SART1: variants seen among roughly 807,000 people sequenced by gnomAD.
The protein encoded by SART1 is spliceosome associated factor 1, recruiter of U4/U6.U5 tri-snRNP.
Under a neutral mutation model 105.0 loss-of-function variants are expected in SART1, and 28 were observed. The ratio of observed to expected loss-of-function variants is 0.27; its 90% CI spans 0.20 to 0.37. The LOEUF (loss-of-function observed/expected upper bound fraction) is 0.37. Among genes scored for constraint, SART1 ranks in the 10% least tolerant of loss-of-function variants. The pLI is 1.00. For synonymous variants in SART1, 472 were observed against 462.9 expected (o/e 1.02, Z -0.25); for missense variants, 894 against 1,106.5 (o/e 0.81, Z 2.72).
In SART1 at chr11:65,978,825, C is replaced by G. The variant is rs2134925292; in HGVS notation, c.2295C>G (p.Pro765=). The G allele has an allele frequency of 6.2e-7, 1 of 1,614,068 alleles. No homozygotes were observed. Among genetic ancestry groups the G allele is most frequent in the East Asian group, 2.2e-5 (1 of 44,866 alleles). The change falls in exon 19 of 20, where the codon CCC becomes CCG. Residue 765 remains proline (P), a synonymous_variant. Transcript: ENST00000312397. This position sits in a 1 kb window ranked among gnomAD's most constrained non-coding sequence, Gnocchi z 6.8. ...LLKKMSSSDT[P]LGTVALLQEK... is the part of the protein sequence containing the mutation. ...AGAAGATGAGCTCCAGCGACACGCC[C>G]CTGGGCACCGTGGCCCTGCTCCAGG...
chr11:65,969,926 G>C (rs959022087), intron 12 of SART1, among the ~76,000 whole-genome samples: 11 of 152,076 alleles, frequency 7.2e-5, no homozygotes, highest in African/African-American at 2.4e-4. Flanking sequence ...GTTTCACCGT[G>C]TTGGTCAGGC....
chr11:65,976,766 T>C lies in SART1; in HGVS notation c.1857T>C (p.Asp619=), dbSNP rs1276936003. The C allele has an allele frequency of 6.2e-7, 1 of 1,606,118 alleles. No homozygotes were observed. Among genetic ancestry groups the C allele is most frequent in the African/African-American group, 1.3e-5 (1 of 74,784 alleles). ...TGGACGAGGAGAAGCAGCAGCAGGATGTGAGGGCCGCGCCGCTGGGGGGTG... is the reference window on the plus strand; with the variant it reads ...TGGACGAGGAGAAGCAGCAGCAGGACGTGAGGGCCGCGCCGCTGGGGGGTG... The part of the protein sequence containing the change: ...VNLDEEKQQQ[D]FSASSTTILD... Residue 619 remains aspartate, a splice_region_variant and synonymous_variant, in exon 14 of 20, where the codon GAT becomes GAC. Transcript: ENST00000312397. This position sits in a 1 kb window ranked among gnomAD's most constrained non-coding sequence, Gnocchi z 5.1.
At position 65,977,033 on chromosome 11, in the gene SART1, C is replaced by T. The variant is rs1315541924; in HGVS notation, c.1877C>T (p.Thr626Ile). ...CCGTAGTTCTCTGCTTCCTCCACCA[C>T]CATCCTGGACGAGGAACCGATCGTG... The part of the protein sequence containing the change: ...QQQDFSASST[T>I]ILDEEPIVNR... The change falls in exon 15 of 20, where the codon ACC (threonine) becomes ATC (isoleucine). Residue 626 changes from threonine to isoleucine, a missense_variant. Thr to Ile is a moderately conservative substitution (Grantham distance 89). Coordinates refer to ENST00000312397, the MANE Select transcript of SART1 (RefSeq NM_005146.5). 6.2e-7 allele frequency: 1 copy of T among 1,613,974 alleles called. No individual in the cohort carries two copies.
rs1346991161 is a variant in SART1, at chr11:65,966,596, C to T, written c.1188+40C>T. 6 of 1,451,188 alleles carry T rather than the reference C, an allele frequency of 4.1e-6. No homozygotes were observed. In the South Asian group the frequency reaches 5.8e-5, roughly 14 times the overall value. 89.9% of individuals were successfully genotyped at this position (1,451,188 alleles called of 1,614,324 possible). On this transcript the variant is annotated intron_variant, in intron 9 of 19. Coordinates refer to ENST00000312397, the MANE Select transcript of SART1 (RefSeq NM_005146.5). ...GCCTTATACTCGGGGTCAAGATTCT[C>T]CCTCCCTCTGGGGCTCCTGCCCTGC...
chr11:65,965,382 G>A lies in SART1; in HGVS notation c.595G>A (p.Asp199Asn), dbSNP rs369274842. The A allele has an allele frequency of 2.8e-4, 447 of 1,585,290 alleles. No individual in the cohort carries two copies. Among genetic ancestry groups the A allele is most frequent in the Non-Finnish European group, 3.7e-4 (431 of 1,165,880 alleles). Reference sequence around the variant, plus strand: ...AGGAGAGGATGACCCCTGGCTGGACGACACTGCAGCCTGGATCGAGAGGAG... The same window carrying A: ...AGGAGAGGATGACCCCTGGCTGGACAACACTGCAGCCTGGATCGAGAGGAG... ...TLGEDDPWLD[D>N]TAAWIERSRQ... The change falls in exon 5 of 20, where the codon GAC (aspartate) becomes AAC (asparagine). Residue 199 changes from aspartate to asparagine, a missense_variant. By Grantham distance (23) the Asp-to-Asn change is conservative. This residue lies in a region of SART1 where 712 missense variants were observed against 778.2 expected (regional missense o/e 0.91). Coordinates refer to ENST00000312397, the MANE Select transcript of SART1 (RefSeq NM_005146.5).
At chr11:65,975,172 C>T (rs1218461499) in intron 12 of SART1, among the ~76,000 whole-genome samples, 12 of 147,010 alleles carry the variant, frequency 8.2e-5, no homozygotes, top group Admixed American at 6.1e-4. Context: ...GGCAAGATCA[C>T]GGCTCACCAT....
At chr11:65,977,952 C>T in intron 17 of SART1, 53 bp downstream of exon 17, 1 of 1,581,168 alleles carries the variant, frequency 6.3e-7, no homozygotes. Context: ...GGAGGCCAAG[C>T]CCAGGGCCAT....
chr11:65,962,419 C>T (rs796231641), intron 1 of SART1, among the ~76,000 whole-genome samples: 39 of 152,324 alleles, frequency 2.6e-4, no homozygotes, highest in African/African-American at 8.9e-4. Flanking sequence ...CTGTTTTCCT[C>T]AGTTGTCTGG....
rs748034473 is a variant in SART1, at chr11:65,977,548, C to T, written c.1946-15C>T. 8.7e-6 allele frequency: 14 copies of T among 1,612,016 alleles called. No homozygotes were observed. Among genetic ancestry groups the T allele is most frequent in the East Asian group, 2.2e-5 (1 of 44,828 alleles). ...TCTCGAGGGGTTGGGAGTCTCACAA[C>T]CCCTCCATCCCTAGGGCTGCTGGAG... On this transcript the variant is annotated splice_polypyrimidine_tract_variant and intron_variant, in intron 15 of 19. Coordinates refer to ENST00000312397, the MANE Select transcript of SART1 (RefSeq NM_005146.5).
At chr11:65,973,314 TACAA>T (rs540067099) in intron 12 of SART1, among the ~76,000 whole-genome samples, 18 of 151,560 alleles carry the variant, frequency 1.2e-4, no homozygotes, top group African/African-American at 4.4e-4. Context: ...GTCAAGAGTA[TACAA>T]ACAGACAAAA....
Position 65,976,839 on chromosome 11 carries a change from C to A in SART1, c.1857+73C>A. Reference sequence around the variant, plus strand: ...GGAGATGAGCACCGGGCTCGGTGTCCAGAGCCTCAGCCTCCTCATCCAGAG... The same window carrying A: ...GGAGATGAGCACCGGGCTCGGTGTCAAGAGCCTCAGCCTCCTCATCCAGAG... On this transcript the variant is annotated intron_variant, in intron 14 of 19. Transcript: ENST00000312397. This position sits in a 1 kb window ranked among gnomAD's most constrained non-coding sequence, Gnocchi z 5.1. 1.5e-6 allele frequency: 2 copies of A among 1,329,360 alleles called. No homozygotes were observed. The highest frequency in any genetic ancestry group is 2.1e-6 in the Non-Finnish European group (2 of 952,288). 82.3% of individuals were successfully genotyped at this position (1,329,360 alleles called of 1,614,324 possible). A position where few individuals can be genotyped will look rare whatever the true frequency, so the allele number is the denominator to read the frequency against.
chr11:65,963,722 C>T (rs1217384096), intron 1 of SART1, among the ~76,000 whole-genome samples: 1 of 152,172 alleles, frequency 6.6e-6, no homozygotes, highest in Non-Finnish European at 1.5e-5. Flanking sequence ...CCTCGTGATC[C>T]ATCTGCCTCG....
chr11:65,978,966 G>A lies in SART1; in HGVS notation c.2385-46G>A, dbSNP rs1855537673. The A allele has an allele frequency of 6.2e-7, 1 of 1,613,308 alleles. No individual in the cohort carries two copies. The highest frequency in any genetic ancestry group is 8.5e-7 in the Non-Finnish European group (1 of 1,179,806). ...GGGTGTGGTGGGGAGGGGTGGCGTG[G>A]CCTGTGCCCGCCTCTGCAGCCTCAC... On this transcript the variant is annotated intron_variant, in intron 19 of 19. Coordinates refer to ENST00000312397, the MANE Select transcript of SART1 (RefSeq NM_005146.5). This position sits in a 1 kb window ranked among gnomAD's most constrained non-coding sequence, Gnocchi z 6.8.
Position 65,967,371 on chromosome 11 carries a change from A to T in SART1, c.1301A>T (p.Asp434Val). 1 of 1,614,022 alleles carries T rather than the reference A, an allele frequency of 6.2e-7. No individual in the cohort carries two copies. The highest frequency in any genetic ancestry group is 8.5e-7 in the Non-Finnish European group (1 of 1,179,988). The change falls in exon 10 of 20, where the codon GAC becomes GTC. Residue 434 changes from aspartate (D) to valine (V), a missense_variant. Around this residue, in one of 2 missense-constraint regions of SART1, gnomAD observed 712 missense variants for 778.2 expected, o/e 0.91. Transcript: ENST00000312397. ...CTCGGGGACCAGACTCAGGATGGGG[A>T]CTTTGGTTCCAGGTGGGCTTGGACA... ...LPLGDQTQDGDFGSRLRGRGR... is the reference protein window; with the variant it reads ...LPLGDQTQDGVFGSRLRGRGR...
rs1485880401 is a variant in SART1, at chr11:65,967,679, A to G, written c.1430A>G (p.Glu477Gly). Residue 477 changes from glutamate (E) to glycine (G), a missense_variant and splice_region_variant, in exon 12 of 20, where the codon GAG becomes GGG. Coordinates refer to ENST00000312397, the MANE Select transcript of SART1 (RefSeq NM_005146.5). ...CAGGCATCCCCTGTGTTTCCCCCAG[A>G]GGAAGGTGGAGCTCCACCGCCGGGG... ...RVENMDISDE[E>G]EGGAPPPGSP... 10 of 1,573,828 alleles carry G rather than the reference A, an allele frequency of 6.4e-6. No individual in the cohort carries two copies. The South Asian group carries it at 1.0e-4, about 16-fold the overall frequency.
intron 5 of SART1, 29 bp downstream of exon 5, chr11:65,965,476 G>A (rs994804520): frequency 2.0e-5 from 31 of 1,540,020 alleles, no homozygotes; most frequent in Non-Finnish European, 2.6e-5. Context: ...TGGGGTGGTC[G>A]CCTAGTGCTT....
intron 3 of SART1, 28 bp downstream of exon 3, chr11:65,964,598 G>A (rs186512493): frequency 1.4e-4 from 215 of 1,592,418 alleles, no homozygotes; most frequent in Non-Finnish European, 1.8e-4. Flanking sequence ...GATAGGGTTT[G>A]GGGGAAAGAG....
At position 65,964,097 on chromosome 11, in the gene SART1, G is replaced by A. The variant is rs775087561; in HGVS notation, c.337G>A (p.Gly113Ser). ...EAAASSKTSS[G>S]DASSLSIEET... ...AGCTGCCAGCTCCAAAACTAGCTCAGGCGATGCCTCCTCACTCAGCATCGA... is the reference window on the plus strand; with the variant it reads ...AGCTGCCAGCTCCAAAACTAGCTCAAGCGATGCCTCCTCACTCAGCATCGA... Residue 113 changes from glycine (G) to serine (S), a missense_variant, in exon 2 of 20, where the codon GGC becomes AGC. Around this residue, in one of 2 missense-constraint regions of SART1, gnomAD observed 712 missense variants for 778.2 expected, o/e 0.91. Coordinates refer to ENST00000312397, the MANE Select transcript of SART1 (RefSeq NM_005146.5). 3.1e-6 allele frequency: 5 copies of A among 1,612,836 alleles called. No homozygotes were observed. Among genetic ancestry groups the A allele is most frequent in the African/African-American group, 1.3e-5 (1 of 74,902 alleles).
At position 65,967,731 on chromosome 11, in the gene SART1, G is replaced by A. The variant is rs746904339; in HGVS notation, c.1482G>A (p.Glu494=). 33 of 1,555,688 alleles carry A rather than the reference G, an allele frequency of 2.1e-5. No homozygotes were observed. The highest frequency in any genetic ancestry group is 1.9e-4 in the Middle Eastern group (1 of 5,292). ...PGSPQVLEED[E]AELELQKQLE... ...CCCCGCAGGTGCTGGAGGAGGACGA[G>A]GCGGAGCTGGAGCTGCAGAAGCAGC... Residue 494 remains glutamate (E), a synonymous_variant, in exon 12 of 20, where the codon GAG becomes GAA. Transcript: ENST00000312397.
Sources: allele counts gnomAD v4.1 joint callset (sites outside exome capture counted in the v4.1 genomes callset), GRCh38; gene constraint gnomAD v4.1.1; regional missense constraint gnomAD v4.1.1; non-coding constraint Gnocchi (gnomAD v3.1); transcripts MANE v1.5; gene names NCBI Gene and HGNC (gene_info 2026-07-23, HGNC 2026-07-21).